The following CCDC106 variants were observed in gnomAD, a reference collection of about 807,000 sequenced individuals.
The protein encoded by CCDC106 is coiled-coil domain-containing protein 106.
CCDC106 carries 17 observed loss-of-function variants against 24.7 expected under a neutral mutation model. The observed-to-expected ratio is 0.69, with a 90% CI of 0.47 to 1.03. The LOEUF is 1.03. Among genes scored for constraint, CCDC106 ranks in the 50% least tolerant of loss-of-function variants. CCDC106 has a pLI of 0.00. For synonymous variants in CCDC106, 211 were observed against 161.3 expected (o/e 1.31, Z -2.34); for missense variants, 337 against 388.9 (o/e 0.87, Z 1.12).
intron 3 of CCDC106, among the ~76,000 whole-genome samples, chr19:55,650,653 T>C (rs1983187025): frequency 6.6e-6 from 1 of 152,234 alleles, no homozygotes; most frequent in Non-Finnish European, 1.5e-5. Flanking sequence ...CTGGCTGCCC[T>C]TGGGCCTGCC....
At position 55,653,144 on chromosome 19, in the gene CCDC106, G is replaced by C. The variant is rs1457126711; in HGVS notation, c.*398G>C. On this transcript the variant is annotated 3_prime_UTR_variant, in exon 5 of 5. Transcript: ENST00000586790. The stretch of plus-strand genomic sequence containing the variant: ...CAGATAATTTAAATTAAAAAACGAC[G>C]TGAAAATTTGGAATAAACTTGGCCT... 6.1e-6 allele frequency: 1 copy of C among 163,010 alleles called. No individual in the cohort carries two copies. The highest frequency in any genetic ancestry group is 1.8e-4 in the East Asian group (1 of 5,546). The allele number at this position is 163,010 out of a possible 1,614,324, so 10.1% of individuals were successfully genotyped here. A position where few individuals can be genotyped will look rare whatever the true frequency, so the allele number is the denominator to read the frequency against.
At chr19:55,649,370 G>A (rs1376364896) in intron 2 of CCDC106, 38 bp from the exon 3 acceptor site, 1 of 1,613,488 alleles carries the variant, frequency 6.2e-7, no homozygotes, top group African/African-American at 1.3e-5. Flanking sequence ...TGAGTCCCAG[G>A]GTGTGACCTG....
chr19:55,649,163 C>T (rs774352929), intron 1 of CCDC106, 42 bp from the exon 2 acceptor site: 20 of 1,610,406 alleles, frequency 1.2e-5, no homozygotes, highest in Admixed American at 1.7e-5. Flanking sequence ...CCTGAGAGGC[C>T]CGGGGAATTC....
rs557466386 is a variant in CCDC106, at chr19:55,648,960, T to C, written c.-87T>C. On this transcript the variant is annotated 5_prime_UTR_variant, in exon 1 of 5. Coordinates refer to ENST00000586790, the MANE Select transcript of CCDC106 (RefSeq NM_001370470.1). The stretch of plus-strand genomic sequence containing the variant: ...ACCTCCCCCAGGATGGACCCTCCAG[T>C]CCATCTGCGTCTCTCCATTTGTGGC... 1 of 1,320,188 alleles carries C rather than the reference T, an allele frequency of 7.6e-7. No individual in the cohort carries two copies. Among genetic ancestry groups the C allele is most frequent in the African/African-American group, 1.4e-5 (1 of 69,284 alleles). The allele number at this position is 1,320,188 out of a possible 1,614,324, so 81.8% of individuals were successfully genotyped here. A position where few individuals can be genotyped will look rare whatever the true frequency, so the allele number is the denominator to read the frequency against.
chr19:55,651,675 C>T (rs1300994688), intron 4 of CCDC106, among the ~76,000 whole-genome samples, 180 bp downstream of exon 4: 1 of 150,024 alleles, frequency 6.7e-6, no homozygotes, highest in Admixed American at 6.6e-5. Flanking sequence ...TTTTTTTTGG[C>T]GGGGGGGACG....
intron 4 of CCDC106, among the ~76,000 whole-genome samples, 153 bp downstream of exon 4, chr19:55,651,648 T>C (rs897066677): frequency 6.6e-6 from 1 of 151,330 alleles, no homozygotes; most frequent in African/African-American, 2.4e-5. Context: ...CGTGTGGTCC[T>C]GGGTTTACTT....
rs998853435 is a variant in CCDC106, at chr19:55,648,851, G to A, written c.-196G>A. On this transcript the variant is annotated 5_prime_UTR_variant, in exon 1 of 5. Transcript: ENST00000586790. Reference sequence around the variant, plus strand: ...GAGCCCAGGAGTTTGAAGCCCAGGCGCGTTTTGCCTCAGTCCTGGGGTCCA... The same window carrying A: ...GAGCCCAGGAGTTTGAAGCCCAGGCACGTTTTGCCTCAGTCCTGGGGTCCA... The A allele has an allele frequency of 2.6e-5, 17 of 645,054 alleles. No homozygotes were observed. The highest frequency in any genetic ancestry group is 4.4e-5 in the Non-Finnish European group (16 of 363,998). The allele number at this position is 645,054 out of a possible 1,614,324, so 40.0% of individuals were successfully genotyped here.
Position 55,652,328 on chromosome 19 carries a change from T to TCGCCGAGATCCTTTCTTCC in CCDC106, c.527-100_527-82dup. 1.9e-6 allele frequency: 2 copies of TCGCCGAGATCCTTTCTTCC among 1,040,054 alleles called. No individual in the cohort carries two copies. Among genetic ancestry groups the TCGCCGAGATCCTTTCTTCC allele is most frequent in the Non-Finnish European group, 2.8e-6 (2 of 709,072 alleles). 64.4% of individuals were successfully genotyped at this position (1,040,054 alleles called of 1,614,324 possible). On this transcript the variant is annotated intron_variant, in intron 4 of 4. Coordinates refer to ENST00000586790, the MANE Select transcript of CCDC106 (RefSeq NM_001370470.1). The surrounding 1 kb of genome is among the most constrained non-coding windows in gnomAD (Gnocchi z 5.9). The stretch of plus-strand genomic sequence containing the variant: ...CACCTGCACCGGCCCGTGCCTCTGC[T>TCGCCGAGATCCTTTCTTCC]CGCCGAGATCCTTTCTTCCCATGGC...
At position 55,652,574 on chromosome 19, in the gene CCDC106, T is replaced by C. The variant is rs1253620054; in HGVS notation, c.671T>C (p.Ile224Thr). The change falls in exon 5 of 5, where the codon ATT (isoleucine) becomes ACT (threonine). Residue 224 changes from isoleucine (I) to threonine (T), a missense_variant. By Grantham distance (89) the Ile-to-Thr change is moderately conservative. Coordinates refer to ENST00000586790, the MANE Select transcript of CCDC106 (RefSeq NM_001370470.1). The surrounding 1 kb of genome is among the most constrained non-coding windows in gnomAD (Gnocchi z 5.9). The part of the protein sequence containing the change: ...ALTTPIAELL[I>T]VAPEKLAEVG... ...ACCACGCCCATCGCCGAGCTGCTCA[T>C]TGTGGCCCCCGAGAAGCTGGCCGAG... The C allele has an allele frequency of 1.9e-6, 3 of 1,613,442 alleles. No homozygotes were observed. Among genetic ancestry groups the C allele is most frequent in the East Asian group, 2.2e-5 (1 of 44,858 alleles).
At chr19:55,649,776 T>G (rs1025581203) in intron 3 of CCDC106, 192 bp downstream of exon 3, 5 of 600,548 alleles carry the variant, frequency 8.3e-6, no homozygotes, top group African/African-American at 7.4e-5. Context: ...CTCATCCCCA[T>G]GAACTGTCTA....
chr19:55,653,006 C>CG lies in CCDC106; in HGVS notation c.*260_*261insG, dbSNP rs1373385103. On this transcript the variant is annotated 3_prime_UTR_variant, in exon 5 of 5. Coordinates refer to ENST00000586790, the MANE Select transcript of CCDC106 (RefSeq NM_001370470.1). ...TGGAAAACCAGGCAGGCGGGTGCCCCCCCCTCGAGTGGGGGACTGTACAGA... is the reference window on the plus strand; with the variant it reads ...TGGAAAACCAGGCAGGCGGGTGCCCCGCCCCTCGAGTGGGGGACTGTACAGA... 6.1e-6 allele frequency: 3 copies of CG among 492,864 alleles called. No homozygotes were observed. In the East Asian group the frequency reaches 1.1e-4, roughly 19 times the overall value. 30.5% of individuals were successfully genotyped at this position (492,864 alleles called of 1,614,324 possible).
chr19:55,653,105 G>T lies in CCDC106; in HGVS notation c.*359G>T. 1 of 217,636 alleles carries T rather than the reference G, an allele frequency of 4.6e-6. No individual in the cohort carries two copies. Among genetic ancestry groups the T allele is most frequent in the Non-Finnish European group, 9.1e-6 (1 of 110,314 alleles). The allele number at this position is 217,636 out of a possible 1,614,324, so 13.5% of individuals were successfully genotyped here. ...GACAGACCTCCCCAACTCCGCGTGA[G>T]ACAGAGAATTATTCAGATAATTTAA... On this transcript the variant is annotated 3_prime_UTR_variant, in exon 5 of 5. Coordinates refer to ENST00000586790, the MANE Select transcript of CCDC106 (RefSeq NM_001370470.1).
upstream of CCDC106, among the ~76,000 whole-genome samples, chr19:55,647,485 C>T (rs1390507744): frequency 2.0e-5 from 3 of 152,224 alleles, no homozygotes; most frequent in Admixed American, 6.5e-5. Flanking sequence ...TCAGCCCTGA[C>T]GATGGCCAGG....
Position 55,648,721 on chromosome 19 carries a change from A to C in CCDC106, c.-326A>C, listed in dbSNP as rs1247540484. 3 of 452,432 alleles carry C rather than the reference A, an allele frequency of 6.6e-6. No homozygotes were observed. Among genetic ancestry groups the C allele is most frequent in the Non-Finnish European group, 7.9e-6 (2 of 251,694 alleles). 28.0% of individuals were successfully genotyped at this position (452,432 alleles called of 1,614,324 possible). ...AGGCGACCCCTTGGGGCACCCAGCAATTTAGGGCTTCAGCTTCCTTTTCCT... is the reference window on the plus strand; with the variant it reads ...AGGCGACCCCTTGGGGCACCCAGCACTTTAGGGCTTCAGCTTCCTTTTCCT... On this transcript the variant is annotated 5_prime_UTR_variant, in exon 1 of 5. Transcript: ENST00000586790.
rs1472402817 is a variant in CCDC106 at position 55,652,810 on chromosome 19, G to A, written c.*64G>A. On this transcript the variant is annotated 3_prime_UTR_variant, in exon 5 of 5. Transcript: ENST00000586790. This position sits in a 1 kb window ranked among gnomAD's most constrained non-coding sequence, Gnocchi z 5.9. ...CCCCGTGGACCCCGGTGGATGACCTGCCCCTCTCCCCGCCGCGCCCCTGCC... is the reference window on the plus strand; with the variant it reads ...CCCCGTGGACCCCGGTGGATGACCTACCCCTCTCCCCGCCGCGCCCCTGCC... The A allele has an allele frequency of 1.4e-6, 2 of 1,384,490 alleles. No homozygotes were observed. Among genetic ancestry groups the A allele is most frequent in the East Asian group, 4.8e-5 (2 of 41,532 alleles). 85.8% of individuals were successfully genotyped at this position (1,384,490 alleles called of 1,614,324 possible). A position where few individuals can be genotyped will look rare whatever the true frequency, so the allele number is the denominator to read the frequency against.
In CCDC106 at chr19:55,652,795, C is replaced by T. The variant is rs575946163; in HGVS notation, c.*49C>T. The T allele has an allele frequency of 2.5e-5, 37 of 1,489,874 alleles. No individual in the cohort carries two copies. The East Asian group carries it at 7.9e-4, about 32-fold the overall frequency. 92.3% of individuals were successfully genotyped at this position (1,489,874 alleles called of 1,614,324 possible). A position where few individuals can be genotyped will look rare whatever the true frequency, so the allele number is the denominator to read the frequency against. ...ACCCGGGCCTTCCTCCCCCGTGGAC[C>T]CCGGTGGATGACCTGCCCCTCTCCC... is the stretch of plus-strand genomic sequence containing the variant. On this transcript the variant is annotated 3_prime_UTR_variant, in exon 5 of 5. Coordinates refer to ENST00000586790, the MANE Select transcript of CCDC106 (RefSeq NM_001370470.1). This position sits in a 1 kb window ranked among gnomAD's most constrained non-coding sequence, Gnocchi z 5.9.
Position 55,651,492 on chromosome 19 carries a change from C to A in CCDC106, c.523C>A (p.Arg175=). The stretch of plus-strand genomic sequence containing the variant: ...GAAGCCCAAGGCCCGGGAGAGGCAG[C>A]GAGGTGAGTGGGGTGCATGGGGCGG... ...FGKPKARERQ[R]VKDADGVLCR... Residue 175 remains arginine, a synonymous_variant, in exon 4 of 5, where the codon CGA becomes AGA. Transcript: ENST00000586790. 2 of 1,565,864 alleles carry A rather than the reference C, an allele frequency of 1.3e-6. No individual in the cohort carries two copies. The highest frequency in any genetic ancestry group is 1.7e-6 in the Non-Finnish European group (2 of 1,156,356).
At position 55,652,773 on chromosome 19, in the gene CCDC106, C is replaced by G. The variant is rs765019135; in HGVS notation, c.*27C>G. On this transcript the variant is annotated 3_prime_UTR_variant, in exon 5 of 5. Transcript: ENST00000586790. This position sits in a 1 kb window ranked among gnomAD's most constrained non-coding sequence, Gnocchi z 5.9. Reference sequence around the variant, plus strand: ...CGCACCACGCCTCCGCGCCTCCACCCGGGCCTTCCTCCCCCGTGGACCCCG... The same window carrying G: ...CGCACCACGCCTCCGCGCCTCCACCGGGGCCTTCCTCCCCCGTGGACCCCG... 34 of 1,576,534 alleles carry G rather than the reference C, an allele frequency of 2.2e-5. No individual in the cohort carries two copies. Among genetic ancestry groups the G allele is most frequent in the Non-Finnish European group, 2.8e-5 (32 of 1,158,478 alleles).
chr19:55,648,363 G>A lies in CCDC106; in HGVS notation c.-684G>A, dbSNP rs954370289. ...TGGCCGCGTTTGCACCCCCGCCCTA[G>A]TGCATGTTCCCGCTGGAATCGTTCC... On this transcript the variant is annotated 5_prime_UTR_variant, in exon 1 of 5. In the 5' UTR this introduces an upstream ATG that the reference lacks. Transcript: ENST00000586790. 6.6e-6 allele frequency: 1 copy of A among 152,036 alleles called. No individual in the cohort carries two copies. The highest frequency in any genetic ancestry group is 2.4e-5 in the African/African-American group (1 of 41,420). The allele number at this position is 152,036 out of a possible 1,614,324, so 9.4% of individuals were successfully genotyped here.
Sources: allele counts gnomAD v4.1 joint callset (sites outside exome capture counted in the v4.1 genomes callset), GRCh38; gene constraint gnomAD v4.1.1; non-coding constraint Gnocchi (gnomAD v3.1); transcripts MANE v1.5; gene names NCBI Gene and HGNC (gene_info 2026-07-23, HGNC 2026-07-21).